CELF2: variants seen among roughly 807,000 people sequenced by gnomAD.
CELF2 encodes CUGBP Elav-like family member 2, also known as CUG triplet repeat RNA-binding protein 2.
Under a neutral mutation model 62.6 loss-of-function variants are expected in CELF2, and 8 were observed. That is an observed-to-expected ratio of 0.13 (90% CI 0.07 to 0.23). CELF2 has a LOEUF of 0.23. Among genes scored for constraint, CELF2 ranks in the 10% least tolerant of loss-of-function variants. The probability of loss-of-function intolerance (pLI) is 1.00; values close to 1 mark genes in which losing one functional copy is unlikely to be tolerated. For synonymous variants in CELF2, 258 were observed against 250.0 expected (o/e 1.03, Z -0.30); for missense variants, 333 against 671.0 (o/e 0.50, Z 5.56).
At chr10:10,693,861 C>T in the CELF2 span, among the ~76,000 whole-genome samples, 1 of 149,860 alleles carries the variant, frequency 6.7e-6, no homozygotes, top group African/African-American at 2.4e-5. Flanking sequence ...AGTGATATCC[C>T]CTTTATCATT....
At chr10:10,749,630 A>G in the CELF2 span, among the ~76,000 whole-genome samples, 1 of 152,216 alleles carries the variant, frequency 6.6e-6, no homozygotes, top group African/African-American at 2.4e-5. Flanking sequence ...ATGGCATAAG[A>G]TACTATTTTA....
intron 2 of CELF2, among the ~76,000 whole-genome samples, chr10:11,202,811 G>A (rs1260859288): frequency 1.3e-5 from 2 of 151,374 alleles, no homozygotes; most frequent in Non-Finnish European, 2.9e-5. Flanking sequence ...TACAGCAGAG[G>A]CTTTATCCTA....
chr10:11,146,080 C>G (rs1348032386), intron 1 of CELF2, among the ~76,000 whole-genome samples: 3 of 152,210 alleles, frequency 2.0e-5, no homozygotes, highest in Non-Finnish European at 4.4e-5. Context: ...ATCTGGCACT[C>G]TGATCCCAGC....
Position 11,156,240 on chromosome 10 carries a change from G to C in CELF2, c.75-9246G>C, listed in dbSNP as rs2064357578. ...CTAGTAATAGGTGTGTTGACTCTCG[G>C]ATTTAATAGGACGGCACTGGACGGG... On this transcript the variant is annotated intron_variant, in intron 1 of 12. Transcript: ENST00000633077. This position sits in a 1 kb window ranked among gnomAD's most constrained non-coding sequence, Gnocchi z 4.3. Among the ~76,000 whole-genome samples, 1 of 152,140 alleles carries C rather than the reference G, an allele frequency of 6.6e-6. No individual in the cohort carries two copies. Among genetic ancestry groups the C allele is most frequent in the Admixed American group, 6.5e-5 (1 of 15,282 alleles).
At chr10:11,256,021 G>A (rs1178296349) in intron 4 of CELF2, among the ~76,000 whole-genome samples, 6 of 152,140 alleles carry the variant, frequency 3.9e-5, no homozygotes, top group African/African-American at 1.2e-4. Context: ...TCCCTCCCCC[G>A]CTGGACCTTG....
chr10:11,173,355 G>A (rs758814897), intron 2 of CELF2, among the ~76,000 whole-genome samples: 16 of 152,124 alleles, frequency 1.1e-4, no homozygotes, highest in African/African-American at 3.1e-4. Flanking sequence ...CCTTGCTTTC[G>A]CTCCAGAGAC....
In CELF2 at chr10:11,314,102, G is replaced by A. The variant is rs2094754119; in HGVS notation, c.977-37G>A. ...CAGTCTCGGCTCTCACTCACCTCGT[G>A]TCTTCTCTCCCCTTGTCTCTGTTTT... On this transcript the variant is annotated intron_variant, in intron 9 of 12. Coordinates refer to ENST00000633077, the MANE Select transcript of CELF2 (RefSeq NM_001326342.2). This position sits in a 1 kb window ranked among gnomAD's most constrained non-coding sequence, Gnocchi z 5.3. 6.3e-7 allele frequency: 1 copy of A among 1,581,584 alleles called. No individual in the cohort carries two copies. Among genetic ancestry groups the A allele is most frequent in the South Asian group, 1.1e-5 (1 of 88,304 alleles).
chr10:10,612,320 G>A, the CELF2 span, among the ~76,000 whole-genome samples: 1 of 152,144 alleles, frequency 6.6e-6, no homozygotes, highest in Non-Finnish European at 1.5e-5. Flanking sequence ...TATAGATTGT[G>A]TGAAAAGGAA....
chr10:11,253,238 C>T (rs979645899), intron 4 of CELF2, among the ~76,000 whole-genome samples: 16 of 152,186 alleles, frequency 1.1e-4, no homozygotes, highest in African/African-American at 3.1e-4. Context: ...TGCTTTAACC[C>T]TCCAACCTCA....
chr10:10,808,580 G>A (rs7070632), intron 1 of CELF2, among the ~76,000 whole-genome samples: 89,259 of 151,956 alleles, frequency 0.59, 26,401 homozygotes, highest in African/African-American at 0.66. Context: ...AGGTCACTGC[G>A]AAACAATCCT....
chr10:10,488,508 A>G, the CELF2 span, among the ~76,000 whole-genome samples: 10 of 152,150 alleles, frequency 6.6e-5, no homozygotes, highest in Non-Finnish European at 1.0e-4. Context: ...AGTATTAGCT[A>G]TAACTTATAA....
chr10:10,547,692 A>AGAGAGAGAGAGAGAGTGT, the CELF2 span, among the ~76,000 whole-genome samples: 10 of 138,004 alleles, frequency 7.2e-5, no homozygotes, highest in African/African-American at 2.8e-4. Context: ...AGAGAGAGAG[A>AGAGAGAGAGAGAGAGTGT]GTGTGTGTGT....
intron 3 of CELF2, among the ~76,000 whole-genome samples, chr10:11,230,029 G>T (rs1345951081): frequency 6.6e-6 from 1 of 152,186 alleles, no homozygotes; most frequent in Non-Finnish European, 1.5e-5. Flanking sequence ...TCATCTGGAT[G>T]TACAGGCACT....
chr10:10,590,720 AG>A, the CELF2 span, among the ~76,000 whole-genome samples: 21 of 152,300 alleles, frequency 1.4e-4, no homozygotes, highest in Admixed American at 8.5e-4. Context: ...CTACCAGCAA[AG>A]CTTGTGGAAA....
At chr10:11,162,245 C>T (rs868377908) in intron 1 of CELF2, among the ~76,000 whole-genome samples, 26 of 150,936 alleles carry the variant, frequency 1.7e-4, no homozygotes, top group South Asian at 2.1e-4. Flanking sequence ...ATTTTGGCAG[C>T]GCCAGGAGAG....
intron 2 of CELF2, among the ~76,000 whole-genome samples, chr10:10,954,838 T>C (rs772276518): frequency 3.3e-5 from 5 of 152,224 alleles, no homozygotes; most frequent in Non-Finnish European, 5.9e-5. Flanking sequence ...TTGAGTTTTT[T>C]TAAAAAGCAG....
At chr10:10,548,794 G>C in the CELF2 span, among the ~76,000 whole-genome samples, 4 of 152,062 alleles carry the variant, frequency 2.6e-5, no homozygotes, top group Non-Finnish European at 5.9e-5. Context: ...GGATGTTTAG[G>C]GTGAGAAGAA....
chr10:10,540,443 G>A, the CELF2 span, among the ~76,000 whole-genome samples: 33,504 of 152,034 alleles, frequency 0.22, 4,478 homozygotes, highest in Non-Finnish European at 0.31. Flanking sequence ...CTCCTGGCTA[G>A]CCTACGTTCC....
chr10:10,926,645 G>C (rs977895478), intron 2 of CELF2, among the ~76,000 whole-genome samples: 1 of 152,158 alleles, frequency 6.6e-6, no homozygotes, highest in Non-Finnish European at 1.5e-5. Flanking sequence ...CTTCTTCCAT[G>C]GGACTGTTTT....
Sources: gnomAD v4.1 joint callset for allele counts (sites outside exome capture counted in the v4.1 genomes callset) on GRCh38, gnomAD v4.1.1 for gene constraint, Gnocchi (gnomAD v3.1) non-coding constraint, MANE v1.5 for transcripts, NCBI Gene and HGNC (gene_info 2026-07-23, HGNC 2026-07-21) for gene names.